The following SERTM1 variants were observed in gnomAD, a reference collection of about 807,000 sequenced individuals.
SERTM1 encodes the protein serine-rich and transmembrane domain-containing protein 1.
In SERTM1, 1 loss-of-function variant was observed where a neutral mutation model predicts 5.5. That is an observed-to-expected ratio of 0.18 (90% CI 0.06 to 0.86). The LOEUF (loss-of-function observed/expected upper bound fraction) is 0.86. SERTM1 is among the 40% of genes least tolerant of loss of function. The pLI is 0.69. For missense variants in SERTM1, 91 were observed against 122.4 expected, an observed-to-expected ratio of 0.74 and a Z score of 1.21; for synonymous variants, 52 against 55.1, an observed-to-expected ratio of 0.94 and a Z score of 0.25.
At chr13:36,691,622 T>G (rs944541134) in intron 1 of SERTM1, among the ~76,000 whole-genome samples, 2 of 152,166 alleles carry the variant, frequency 1.3e-5, no homozygotes, top group Non-Finnish European at 2.9e-5. Context: ...GGACAGTGAT[T>G]CTGAGCGGAA....
In SERTM1 at chr13:36,674,058, G is replaced by GCGCGC. The variant is rs1190889461; in HGVS notation, c.-291_-287dup. ...CTGCTGTCCGCCGTGCGCCCAGACT[G>GCGCGC]CGCGCCGCGCCGCTGCGCCCAACAT... On this transcript the variant is annotated 5_prime_UTR_variant, in exon 1 of 2. Transcript: ENST00000315190. The GCGCGC allele has an allele frequency of 6.6e-6, 1 of 152,276 alleles. No individual in the cohort carries two copies. The highest frequency in any genetic ancestry group is 6.5e-5 in the Admixed American group (1 of 15,288). 9.4% of individuals were successfully genotyped at this position (152,276 alleles called of 1,614,324 possible).
chr13:36,684,707 A>T (rs1183148022), intron 1 of SERTM1, among the ~76,000 whole-genome samples: 2 of 151,852 alleles, frequency 1.3e-5, no homozygotes, highest in Non-Finnish European at 2.9e-5. Context: ...CTGATACTAG[A>T]TGTAAAAATA....
chr13:36,680,696 G>T (rs57391241), intron 1 of SERTM1, among the ~76,000 whole-genome samples: 3,490 of 152,168 alleles, frequency 0.023, 144 homozygotes, highest in African/African-American at 0.079. Flanking sequence ...TGTTATTGCT[G>T]CTTGTGTGGT....
intron 1 of SERTM1, among the ~76,000 whole-genome samples, chr13:36,674,607 C>T (rs2056658423): frequency 6.6e-6 from 1 of 152,066 alleles, no homozygotes; most frequent in Non-Finnish European, 1.5e-5. Context: ...GTCTAGGTGC[C>T]TTCTGTTTGC....
chr13:36,681,073 G>T (rs1039902499), intron 1 of SERTM1, among the ~76,000 whole-genome samples: 1 of 152,118 alleles, frequency 6.6e-6, no homozygotes, highest in Non-Finnish European at 1.5e-5. Context: ...CTGGCATAGT[G>T]CTGGTAAGGA....
At chr13:36,694,015 C>T (rs1030452190) in intron 1 of SERTM1, among the ~76,000 whole-genome samples, 3 of 152,160 alleles carry the variant, frequency 2.0e-5, no homozygotes, top group Admixed American at 2.0e-4. Flanking sequence ...TCCACCAAGT[C>T]CCATTATCTC....
At position 36,695,291 on chromosome 13, in the gene SERTM1, C is replaced by G; in HGVS notation, c.213C>G (p.Ser71=). Residue 71 remains serine, a synonymous_variant, in exon 2 of 2, where the codon TCC becomes TCG. Coordinates refer to ENST00000315190, the MANE Select transcript of SERTM1 (RefSeq NM_203451.3). ...TCCAGAGGCTCAAAAATATCATCTC[C>G]TCCAGTTCCTCCTACCCAGAGTATC... ...IALQRLKNII[S]SSSSYPEYPS... 1.2e-6 allele frequency: 2 copies of G among 1,614,128 alleles called. No individual in the cohort carries two copies. The highest frequency in any genetic ancestry group is 8.5e-7 in the Non-Finnish European group (1 of 1,179,986).
At chr13:36,682,587 A>G (rs1042895614) in intron 1 of SERTM1, among the ~76,000 whole-genome samples, 1 of 152,216 alleles carries the variant, frequency 6.6e-6, no homozygotes, top group Non-Finnish European at 1.5e-5. Context: ...ATGTACACAT[A>G]TAAGGATTGA....
intron 1 of SERTM1, among the ~76,000 whole-genome samples, chr13:36,677,299 A>G (rs1180595381): frequency 1.3e-5 from 2 of 152,238 alleles, no homozygotes; most frequent in Non-Finnish European, 2.9e-5. Flanking sequence ...CTAAGCATGA[A>G]GTAGCGTAAT....
Position 36,694,892 on chromosome 13 carries a change from C to CTTTTTT in SERTM1, c.-173-9_-173-4dup. 4.0e-6 allele frequency: 2 copies of CTTTTTT among 499,414 alleles called. No homozygotes were observed. Among genetic ancestry groups the CTTTTTT allele is most frequent in the Non-Finnish European group, 7.1e-6 (2 of 282,322 alleles). 30.9% of individuals were successfully genotyped at this position (499,414 alleles called of 1,614,324 possible). ...TTTTTCTGAAGAATGCACTGACTTG[C>CTTTTTT]TTTTTTTTTTCAGTCTCAATGCACA... On this transcript the variant is annotated splice_polypyrimidine_tract_variant and intron_variant, in intron 1 of 1. Transcript: ENST00000315190.
At chr13:36,680,785 G>T (rs899614546) in intron 1 of SERTM1, among the ~76,000 whole-genome samples, 2 of 151,994 alleles carry the variant, frequency 1.3e-5, no homozygotes, top group African/African-American at 4.8e-5. Context: ...ACGGAGTCTC[G>T]CTCTGTTGCC....
At chr13:36,688,139 G>C (rs1453896651) in intron 1 of SERTM1, among the ~76,000 whole-genome samples, 3 of 151,860 alleles carry the variant, frequency 2.0e-5, no homozygotes, top group Admixed American at 6.6e-5. Flanking sequence ...GACAAAATGA[G>C]ACACAAAAGA....
chr13:36,675,033 C>A (rs532935367), intron 1 of SERTM1, among the ~76,000 whole-genome samples: 1 of 152,286 alleles, frequency 6.6e-6, no homozygotes, highest in South Asian at 2.1e-4. Flanking sequence ...GGGATTCATT[C>A]ACAGAAATAT....
chr13:36,684,142 C>G (rs1328582787), intron 1 of SERTM1, among the ~76,000 whole-genome samples: 1 of 152,068 alleles, frequency 6.6e-6, no homozygotes, highest in African/African-American at 2.4e-5. Context: ...TACTAAAATA[C>G]AAAAATTAGC....
intron 1 of SERTM1, among the ~76,000 whole-genome samples, chr13:36,685,501 C>T (rs1343690551): frequency 6.6e-6 from 1 of 152,220 alleles, no homozygotes; most frequent in Non-Finnish European, 1.5e-5. Flanking sequence ...TACCTGTATC[C>T]TCAGTCATAT....
rs1291028190 is a variant in SERTM1 at position 36,696,390 on chromosome 13, C to T, written c.*988C>T. The T allele has an allele frequency of 6.0e-6, 1 of 165,440 alleles. No individual in the cohort carries two copies. The highest frequency in any genetic ancestry group is 2.4e-5 in the African/African-American group (1 of 41,462). 10.2% of individuals were successfully genotyped at this position (165,440 alleles called of 1,614,324 possible). On this transcript the variant is annotated 3_prime_UTR_variant, in exon 2 of 2. Coordinates refer to ENST00000315190, the MANE Select transcript of SERTM1 (RefSeq NM_203451.3). ...TGTTCACTCACATTAGGTTGTAAAA[C>T]TTAGAAACTAAATTGCAAATATATG...
At chr13:36,675,224 G>T (rs2056662257) in intron 1 of SERTM1, among the ~76,000 whole-genome samples, 2 of 88,828 alleles carry the variant, frequency 2.3e-5, no homozygotes, top group Admixed American at 1.0e-4. Context: ...GTACTTCAGT[G>T]TTCTTTGTGG....
intron 1 of SERTM1, among the ~76,000 whole-genome samples, chr13:36,681,419 T>C (rs1336599553): frequency 1.3e-5 from 2 of 152,226 alleles, no homozygotes; most frequent in Admixed American, 6.5e-5. Flanking sequence ...TGTAGTCAAA[T>C]TGAACATTTG....
chr13:36,684,152 C>A (rs1275505782), intron 1 of SERTM1, among the ~76,000 whole-genome samples: 5 of 152,078 alleles, frequency 3.3e-5, no homozygotes, highest in Non-Finnish European at 7.4e-5. Context: ...CAAAAATTAG[C>A]CGGACGTGGT....
Sources: allele counts gnomAD v4.1 joint callset (sites outside exome capture counted in the v4.1 genomes callset), GRCh38; gene constraint gnomAD v4.1.1; transcripts MANE v1.5; gene names NCBI Gene and HGNC (gene_info 2026-07-23, HGNC 2026-07-21).